The following RNF185 variants were observed in gnomAD, a reference collection of about 807,000 sequenced individuals.
RNF185 encodes E3 ubiquitin-protein ligase RNF185.
A neutral mutation model predicts 24.9 loss-of-function variants in RNF185; 13 were observed. That is an observed-to-expected ratio of 0.52 (90% CI 0.34 to 0.83). The LOEUF is 0.83. RNF185 is among the 40% of genes least tolerant of loss of function. RNF185 has a pLI of 0.01. For missense variants in RNF185, 184 were observed against 244.7 expected, an observed-to-expected ratio of 0.75 and a Z score of 1.65; for synonymous variants, 79 against 90.3, an observed-to-expected ratio of 0.88 and a Z score of 0.71.
At chr22:31,182,192 G>A (rs1265309360) in intron 1 of RNF185, among the ~76,000 whole-genome samples, 3 of 147,088 alleles carry the variant, frequency 2.0e-5, no homozygotes, top group Non-Finnish European at 4.5e-5. Context: ...GCTCACTGCA[G>A]CCTCCACCTC....
intron 2 of RNF185, among the ~76,000 whole-genome samples, chr22:31,188,890 G>A (rs1233680723): frequency 6.6e-6 from 1 of 151,586 alleles, no homozygotes; most frequent in African/African-American, 2.4e-5. Context: ...GGAGGCCAAG[G>A]TGGGCGGATC....
At chr22:31,203,728 T>C (rs538050457) in intron 6 of RNF185, among the ~76,000 whole-genome samples, 1 of 152,226 alleles carries the variant, frequency 6.6e-6, no homozygotes, top group East Asian at 1.9e-4. Flanking sequence ...TTGCCTGATA[T>C]TATTTGGGGT....
chr22:31,182,139 T>C (rs1403816816), intron 1 of RNF185, among the ~76,000 whole-genome samples: 2 of 148,948 alleles, frequency 1.3e-5, no homozygotes, highest in African/African-American at 4.9e-5. Context: ...GAGACAGGGT[T>C]TCCACTCTGT....
At chr22:31,194,452 G>T (rs544813913) in intron 3 of RNF185, among the ~76,000 whole-genome samples, 7 of 152,074 alleles carry the variant, frequency 4.6e-5, no homozygotes, top group Non-Finnish European at 8.8e-5. Context: ...GAAATTGGCC[G>T]GGCGCGGTGG....
chr22:31,171,726 T>C (rs113050222), intron 1 of RNF185, among the ~76,000 whole-genome samples: 10,807 of 152,130 alleles, frequency 0.071, 1,292 homozygotes, highest in African/African-American at 0.25. Flanking sequence ...CCCAGCACTT[T>C]GGGAGGCCGA....
chr22:31,195,545 T>C lies in RNF185; in HGVS notation c.272T>C (p.Leu91Pro). 2 of 1,610,730 alleles carry C rather than the reference T, an allele frequency of 1.2e-6. No individual in the cohort carries two copies. The highest frequency in any genetic ancestry group is 1.7e-6 in the Non-Finnish European group (2 of 1,178,536). Residue 91 changes from leucine to proline, a missense_variant, in exon 4 of 7, where the codon CTC becomes CCC. Leu to Pro is a moderately conservative substitution (Grantham distance 98). Coordinates refer to ENST00000326132, the MANE Select transcript of RNF185 (RefSeq NM_152267.4). ...ATCAGCCGAGACAAGGTCATCCCCC[T>C]CTATGGAAGGGGCAGCACTGGGCAA... ...AGISRDKVIPLYGRGSTGQQD... is the reference protein window; with the variant it reads ...AGISRDKVIPPYGRGSTGQQD...
At chr22:31,171,427 C>A (rs111227051) in intron 1 of RNF185, among the ~76,000 whole-genome samples, 1 of 151,764 alleles carries the variant, frequency 6.6e-6, no homozygotes. Flanking sequence ...GCGATCCACC[C>A]GCCTTGGCCT....
chr22:31,178,272 A>C (rs572325423), intron 1 of RNF185, among the ~76,000 whole-genome samples: 1 of 152,118 alleles, frequency 6.6e-6, no homozygotes, highest in Non-Finnish European at 1.5e-5. Context: ...AGTTTATCTG[A>C]CCTCTCTGTA....
chr22:31,178,137 CA>C (rs1199477212), intron 1 of RNF185, among the ~76,000 whole-genome samples: 1 of 152,186 alleles, frequency 6.6e-6, no homozygotes, highest in African/African-American at 2.4e-5. Flanking sequence ...TTGCCCTGGA[CA>C]TCTCAAAGTT....
chr22:31,181,228 C>T lies in RNF185; in HGVS notation c.-48-5819C>T, dbSNP rs2048033189. Among the ~76,000 whole-genome samples the T allele has an allele frequency of 4.0e-5, 6 of 151,388 alleles. No homozygotes were observed. In the South Asian group the frequency reaches 1.0e-3, roughly 26 times the overall value. ...AGCATGGTGGTGTGCACCTGTAGTC[C>T]TAGCTGCTTGGGAGGCTGAGGCAGG... is the stretch of plus-strand genomic sequence containing the variant. On this transcript the variant is annotated intron_variant, in intron 1 of 6. Transcript: ENST00000326132.
Position 31,192,684 on chromosome 22 carries a change from T to C in RNF185, c.177T>C (p.Cys59=). 1 of 1,613,984 alleles carries C rather than the reference T, an allele frequency of 6.2e-7. No homozygotes were observed. The highest frequency in any genetic ancestry group is 8.5e-7 in the Non-Finnish European group (1 of 1,179,828). Reference sequence around the variant, plus strand: ...CTGGTTGCCCTGGGGACTCTGGCAGTTGGCCGTGTTTACATCAGGTAAGAT... The same window carrying C: ...CTGGTTGCCCTGGGGACTCTGGCAGCTGGCCGTGTTTACATCAGGTAAGAT... ...AVISLCGHLF[C]WPCLHQWLET... is the part of the protein sequence containing the mutation. Residue 59 remains cysteine, a splice_region_variant and synonymous_variant, in exon 3 of 7, where the codon TGT becomes TGC. Transcript: ENST00000326132.
At chr22:31,164,448 G>C (rs1360227672) in intron 1 of RNF185, among the ~76,000 whole-genome samples, 4 of 152,050 alleles carry the variant, frequency 2.6e-5, no homozygotes, top group Non-Finnish European at 5.9e-5. Flanking sequence ...AGCTAATCTA[G>C]AGACTTTATT....
At chr22:31,201,760 G>C (rs2048264940) in intron 6 of RNF185, 145 bp downstream of exon 6, 1 of 650,858 alleles carries the variant, frequency 1.5e-6, no homozygotes, top group Admixed American at 2.7e-5. Context: ...GCTGTTTTTA[G>C]ATCACTTACA....
chr22:31,162,462 A>G (rs192148177), intron 1 of RNF185, among the ~76,000 whole-genome samples: 1 of 152,286 alleles, frequency 6.6e-6, no homozygotes, highest in Admixed American at 6.5e-5. Context: ...GATGCTAATA[A>G]TAAGTTTGAG....
At chr22:31,194,512 G>A (rs374563119) in intron 3 of RNF185, among the ~76,000 whole-genome samples, 1 of 152,118 alleles carries the variant, frequency 6.6e-6, no homozygotes, top group East Asian at 1.9e-4. Flanking sequence ...GGAAGATCAC[G>A]AGGTCAGGAG....
chr22:31,186,820 G>GT (rs769926837), intron 1 of RNF185, among the ~76,000 whole-genome samples: 58 of 152,190 alleles, frequency 3.8e-4, no homozygotes, highest in South Asian at 1.2e-3. Context: ...ATTTGGTGGA[G>GT]TTTGCGTATC....
At position 31,205,645 on chromosome 22, in the gene RNF185, G is replaced by A. The variant is rs2048307513; in HGVS notation, c.*1059G>A. On this transcript the variant is annotated 3_prime_UTR_variant, in exon 7 of 7. Coordinates refer to ENST00000326132, the MANE Select transcript of RNF185 (RefSeq NM_152267.4). ...TCTTTTATGAAGAGGCAAGGAAAGG[G>A]GAAACCCACATGTGACCCTGATTTT... 6.6e-6 allele frequency: 1 copy of A among 152,216 alleles called. No homozygotes were observed. The allele number at this position is 152,216 out of a possible 1,614,324, so 9.4% of individuals were successfully genotyped here. A position where few individuals can be genotyped will look rare whatever the true frequency, so the allele number is the denominator to read the frequency against.
intron 1 of RNF185, among the ~76,000 whole-genome samples, chr22:31,175,645 C>G (rs1185636098): frequency 6.6e-6 from 1 of 152,020 alleles, no homozygotes; most frequent in African/African-American, 2.4e-5. Context: ...AGGGTTTATA[C>G]TAATAATATA....
chr22:31,164,731 C>T (rs565933690), intron 1 of RNF185, among the ~76,000 whole-genome samples: 37 of 151,732 alleles, frequency 2.4e-4, no homozygotes, highest in African/African-American at 8.2e-4. Context: ...CAATTACAGG[C>T]GTGTGCCACC....
Sources: allele counts gnomAD v4.1 joint callset (sites outside exome capture counted in the v4.1 genomes callset), GRCh38; gene constraint gnomAD v4.1.1; transcripts MANE v1.5; gene names NCBI Gene and HGNC (gene_info 2026-07-23, HGNC 2026-07-21).